ADAMTSL1: variants seen among roughly 807,000 people sequenced by gnomAD.
ADAMTSL1 encodes the protein ADAMTS-like protein 1.
A neutral mutation model predicts 201.8 loss-of-function variants in ADAMTSL1; 126 were observed. The observed-to-expected ratio is 0.62, with a 90% CI of 0.54 to 0.72. The LOEUF is 0.72. ADAMTSL1 is among the 30% of genes least tolerant of loss of function. The pLI, the probability that ADAMTSL1 is intolerant of heterozygous loss-of-function variation, is 0.00. For missense variants in ADAMTSL1, 2,679 were observed against 2,277.8 expected, an observed-to-expected ratio of 1.18 and a Z score of -3.59; for synonymous variants, 1,121 against 903.4, an observed-to-expected ratio of 1.24 and a Z score of -4.32.
intron 2 of ADAMTSL1, among the ~76,000 whole-genome samples, chr9:18,447,008 G>T (rs77087328): frequency 6.6e-6 from 1 of 151,238 alleles, no homozygotes; most frequent in African/African-American, 2.5e-5. Flanking sequence ...TGTGCTGGAA[G>T]GGGAGGTGAG....
intron 1 of ADAMTSL1, among the ~76,000 whole-genome samples, chr9:17,997,882 C>T (rs767231368): frequency 1.3e-5 from 2 of 152,054 alleles, no homozygotes; most frequent in African/African-American, 4.8e-5. Context: ...TCCAAACTAG[C>T]AGCTGCATTC....
rs549243065 is a variant in ADAMTSL1, at chr9:18,037,879, G to C, written c.88-125983G>C. ...AACAAATGGTGCGCAATTAAAATAGGCATGTTCTCCAGGAAAAACATCCCC... is the reference window on the plus strand; with the variant it reads ...AACAAATGGTGCGCAATTAAAATAGCCATGTTCTCCAGGAAAAACATCCCC... On this transcript the variant is annotated intron_variant, in intron 1 of 29. Transcript: ENST00000680146. 3.9e-5 allele frequency among the ~76,000 whole-genome samples: 6 copies of C among 152,138 alleles called. 1 individual carries two copies. The highest frequency in any genetic ancestry group is 8.8e-5 in the Non-Finnish European group (6 of 68,016).
chr9:18,781,313 G>A (rs1821382218), intron 19 of ADAMTSL1, among the ~76,000 whole-genome samples: 1 of 152,154 alleles, frequency 6.6e-6, no homozygotes, highest in Non-Finnish European at 1.5e-5. Context: ...AGTTTTTGCT[G>A]CCATCACATT....
chr9:18,804,581 A>G (rs1822991992), intron 20 of ADAMTSL1, among the ~76,000 whole-genome samples: 1 of 152,250 alleles, frequency 6.6e-6, no homozygotes, highest in African/African-American at 2.4e-5. Context: ...GCTTCTGGCC[A>G]GCAAGGAATA....
chr9:18,846,738 A>G (rs1826143437), intron 23 of ADAMTSL1, among the ~76,000 whole-genome samples: 1 of 152,208 alleles, frequency 6.6e-6, no homozygotes, highest in Admixed American at 6.5e-5. Flanking sequence ...TTACTGTGGC[A>G]TAAAGTACAG....
chr9:17,931,857 G>C (rs533298280), intron 1 of ADAMTSL1, among the ~76,000 whole-genome samples: 212 of 152,234 alleles, frequency 1.4e-3, no homozygotes, highest in Non-Finnish European at 2.7e-3. Context: ...CAAATCCATG[G>C]ATCTGTCATT....
At chr9:18,756,676 A>G (rs1468209509) in intron 16 of ADAMTSL1, among the ~76,000 whole-genome samples, 1 of 152,208 alleles carries the variant, frequency 6.6e-6, no homozygotes. Flanking sequence ...GAGGTCTCCA[A>G]TCCTTCAACA....
At chr9:18,649,719 A>G (rs79665981) in intron 7 of ADAMTSL1, among the ~76,000 whole-genome samples, 2 of 152,088 alleles carry the variant, frequency 1.3e-5, no homozygotes, top group Admixed American at 1.3e-4. Context: ...CATGAACCTC[A>G]AATGCTGCTG....
chr9:18,099,356 T>TATATATATACATATATATATATATATA (rs60877701), intron 1 of ADAMTSL1, among the ~76,000 whole-genome samples: 1 of 39,698 alleles, frequency 2.5e-5, no homozygotes, highest in Non-Finnish European at 4.6e-5. Context: ...TATATATATA[T>TATATATATACATATATATATATATATA]TTTTTTTTTT....
intron 4 of ADAMTSL1, among the ~76,000 whole-genome samples, chr9:18,584,789 T>C (rs926980490): frequency 6.6e-6 from 1 of 152,078 alleles, no homozygotes; most frequent in African/African-American, 2.4e-5. Flanking sequence ...CACCATCCAA[T>C]TGACTAGGGG....
chr9:18,027,856 T>C (rs1040277998), intron 1 of ADAMTSL1, among the ~76,000 whole-genome samples: 4 of 152,094 alleles, frequency 2.6e-5, no homozygotes, highest in African/African-American at 7.2e-5. Flanking sequence ...CTTATTTTTA[T>C]AGGTATAGAA....
chr9:18,559,169 G>A (rs1821308497), intron 3 of ADAMTSL1, among the ~76,000 whole-genome samples: 1 of 152,130 alleles, frequency 6.6e-6, no homozygotes, highest in Non-Finnish European at 1.5e-5. Flanking sequence ...ATTCCATCTT[G>A]AGTTAATTTT....
At chr9:18,748,771 G>A (rs1052275605) in intron 15 of ADAMTSL1, among the ~76,000 whole-genome samples, 4 of 152,172 alleles carry the variant, frequency 2.6e-5, no homozygotes, top group African/African-American at 7.2e-5. Flanking sequence ...GGTTCTGGTC[G>A]TGTATTCATA....
chr9:18,193,087 G>GT (rs1191648194), intron 2 of ADAMTSL1, among the ~76,000 whole-genome samples: 1 of 151,996 alleles, frequency 6.6e-6, no homozygotes, highest in Non-Finnish European at 1.5e-5. Flanking sequence ...CCTTTTCCAG[G>GT]TTTTTTTGGT....
rs191881662 is a variant in ADAMTSL1 at position 18,284,584 on chromosome 9, G to T, written c.207+120603G>T. ...TTAGAAAGTAGCAGCACCAGGTTTTGTAACCAGGCAGTCTGAGTCCAAAAC... is the reference window on the plus strand; with the variant it reads ...TTAGAAAGTAGCAGCACCAGGTTTTTTAACCAGGCAGTCTGAGTCCAAAAC... On this transcript the variant is annotated intron_variant, in intron 2 of 29. Coordinates refer to the ADAMTSL1 transcript ENST00000680146. 1.4e-4 allele frequency among the ~76,000 whole-genome samples: 21 copies of T among 152,298 alleles called. 1 individual carries two copies. Among genetic ancestry groups the T allele is most frequent in the Admixed American group, 1.2e-3 (19 of 15,298 alleles).
At chr9:18,065,495 G>T (rs949756597) in intron 1 of ADAMTSL1, among the ~76,000 whole-genome samples, 1 of 152,110 alleles carries the variant, frequency 6.6e-6, no homozygotes, top group African/African-American at 2.4e-5. Flanking sequence ...TTGTAATTCA[G>T]TTAACTTAAA....
At position 18,809,304 on chromosome 9, in the gene ADAMTSL1, G is replaced by A. The variant is rs554701413; in HGVS notation, c.3806-7805G>A. Among the ~76,000 whole-genome samples, 10 of 152,322 alleles carry A rather than the reference G, an allele frequency of 6.6e-5. No homozygotes were observed. In the East Asian group the frequency reaches 7.7e-4, roughly 12 times the overall value. On this transcript the variant is annotated intron_variant, in intron 20 of 28. Transcript: ENST00000380548. ...TATTTGCACAGAGACCTGAACGACC[G>A]GAAGAGAGCCGTGCAGAAGTCTGTA...
intron 2 of ADAMTSL1, among the ~76,000 whole-genome samples, chr9:18,269,553 A>T (rs1187160430): frequency 6.6e-6 from 1 of 152,204 alleles, no homozygotes; most frequent in East Asian, 1.9e-4. Context: ...CATTATTAAT[A>T]AATTTGGCAA....
intron 2 of ADAMTSL1, among the ~76,000 whole-genome samples, chr9:18,526,641 C>T (rs894786439): frequency 1.3e-5 from 2 of 152,180 alleles, no homozygotes; most frequent in African/African-American, 2.4e-5. Flanking sequence ...CTTGTGGTAA[C>T]AAAATCTCTC....
Sources: allele counts gnomAD v4.1 joint callset (sites outside exome capture counted in the v4.1 genomes callset), GRCh38; gene constraint gnomAD v4.1.1; transcripts MANE v1.5; gene names NCBI Gene and HGNC (gene_info 2026-07-23, HGNC 2026-07-21).